Variants in PHLPP1 observed in about 807,000 individuals in gnomAD.
PHLPP1 encodes PH domain leucine-rich repeat-containing protein phosphatase 1.
A neutral mutation model predicts 117.2 loss-of-function variants in PHLPP1; 42 were observed. The ratio of observed to expected loss-of-function variants is 0.36; its 90% confidence interval spans 0.28 to 0.46. The LOEUF is 0.46. Among genes scored for constraint, PHLPP1 ranks in the 20% least tolerant of loss-of-function variants. The pLI is 1.00. For synonymous variants in PHLPP1, 1,042 were observed against 970.7 expected, an observed-to-expected ratio of 1.07 and a Z score of -1.37; for missense variants, 2,084 against 2,241.9, an observed-to-expected ratio of 0.93 and a Z score of 1.42.
chr18:62,759,493 G>A (rs1912144705), intron 1 of PHLPP1, among the ~76,000 whole-genome samples: 1 of 152,178 alleles, frequency 6.6e-6, no homozygotes, highest in Admixed American at 6.5e-5. Flanking sequence ...GCTATATTGA[G>A]TATGTTCTCA....
chr18:62,774,429 T>G (rs546302734), intron 1 of PHLPP1, among the ~76,000 whole-genome samples: 1 of 152,290 alleles, frequency 6.6e-6, no homozygotes, highest in South Asian at 2.1e-4. Context: ...GAGCCTTTCG[T>G]TTTTCTTCTA....
intron 4 of PHLPP1, among the ~76,000 whole-genome samples, chr18:62,882,270 A>AT (rs754386808): frequency 0.014 from 1,907 of 137,744 alleles, 39 homozygotes; most frequent in African/African-American, 0.04. Flanking sequence ...TCACTTAACT[A>AT]TTTTTTTTTT....
chr18:62,719,446 TCA>T (rs1910852604), intron 1 of PHLPP1, among the ~76,000 whole-genome samples: 1 of 152,204 alleles, frequency 6.6e-6, no homozygotes, highest in African/African-American at 2.4e-5. Flanking sequence ...AAGCGTAGTC[TCA>T]TTTATGGAAA....
intron 8 of PHLPP1, among the ~76,000 whole-genome samples, chr18:62,913,138 G>A (rs607153): frequency 0.59 from 89,756 of 151,856 alleles, 26,737 homozygotes; most frequent in Middle Eastern, 0.69. Flanking sequence ...TCCACCTCCC[G>A]TGCTGTCACC....
intron 4 of PHLPP1, among the ~76,000 whole-genome samples, chr18:62,864,033 T>G (rs1599090133): frequency 6.6e-6 from 1 of 152,104 alleles, no homozygotes; most frequent in South Asian, 2.1e-4. Flanking sequence ...ATTAATTTAT[T>G]TTTTTGAGAC....
intron 1 of PHLPP1, among the ~76,000 whole-genome samples, chr18:62,720,598 A>G (rs1243806417): frequency 6.6e-6 from 1 of 152,192 alleles, no homozygotes; most frequent in Non-Finnish European, 1.5e-5. Flanking sequence ...AATATTGACA[A>G]GCAGGTTCTT....
At chr18:62,939,240 G>A (rs1040904007) in intron 10 of PHLPP1, among the ~76,000 whole-genome samples, 18 of 151,944 alleles carry the variant, frequency 1.2e-4, no homozygotes, top group Non-Finnish European at 2.5e-4. Context: ...TGATCCACCC[G>A]CCTCAGCCAC....
At chr18:62,957,294 G>T (rs903717799) in intron 12 of PHLPP1, among the ~76,000 whole-genome samples, 2 of 152,152 alleles carry the variant, frequency 1.3e-5, no homozygotes, top group South Asian at 4.1e-4. Context: ...CATCAGTTTT[G>T]TGAGAAAGGA....
Position 62,867,289 on chromosome 18 carries a change from A to G in PHLPP1, c.2066+6688A>G, listed in dbSNP as rs148818267. 5.9e-3 allele frequency among the ~76,000 whole-genome samples: 900 copies of G among 152,246 alleles called. 2 individuals carry two copies. Among genetic ancestry groups the G allele is most frequent in the Non-Finnish European group, 9.0e-3 (610 of 68,008 alleles). On this transcript the variant is annotated intron_variant, in intron 4 of 16. Coordinates refer to ENST00000262719, the MANE Select transcript of PHLPP1 (RefSeq NM_194449.4). Reference sequence around the variant, plus strand: ...TGATTTTTTCATTATTGGACATTATATGTTGACTCATTACTATGGAAGATA... The same window carrying G: ...TGATTTTTTCATTATTGGACATTATGTGTTGACTCATTACTATGGAAGATA...
At chr18:62,968,572 C>G (rs1910968392) in intron 14 of PHLPP1, among the ~76,000 whole-genome samples, 1 of 112,622 alleles carries the variant, frequency 8.9e-6, no homozygotes, top group African/African-American at 3.4e-5. Context: ...GAGTCTCACT[C>G]TGTCACCCAG....
chr18:62,880,329 C>G (rs1414251248), intron 4 of PHLPP1, among the ~76,000 whole-genome samples: 2 of 152,024 alleles, frequency 1.3e-5, no homozygotes, highest in African/African-American at 4.8e-5. Flanking sequence ...CTTATGCGCA[C>G]TTTCTCATTT....
chr18:62,872,997 A>AG (rs1481187116), intron 4 of PHLPP1, among the ~76,000 whole-genome samples: 1 of 147,480 alleles, frequency 6.8e-6, no homozygotes, highest in East Asian at 2.0e-4. Context: ...AAAAAAAAAA[A>AG]AAAAAAAAAA....
chr18:62,885,969 G>A (rs1916278466), intron 4 of PHLPP1, among the ~76,000 whole-genome samples: 1 of 152,196 alleles, frequency 6.6e-6, no homozygotes, highest in African/African-American at 2.4e-5. Context: ...GCAGTTTGAA[G>A]TTGTGTGCTG....
intron 12 of PHLPP1, 47 bp from the exon 13 acceptor site, chr18:62,958,582 G>A (rs2144475828): frequency 6.2e-7 from 1 of 1,605,900 alleles, no homozygotes; most frequent in South Asian, 1.1e-5. Context: ...TCCCTGAAGA[G>A]CTTCTCTAGA....
At chr18:62,868,833 T>A (rs985857742) in intron 4 of PHLPP1, among the ~76,000 whole-genome samples, 4 of 152,194 alleles carry the variant, frequency 2.6e-5, no homozygotes, top group African/African-American at 9.7e-5. Context: ...AAAGGAGTCT[T>A]TGATGCTACC....
At chr18:62,854,838 A>G (rs1431571269) in intron 3 of PHLPP1, among the ~76,000 whole-genome samples, 1 of 151,978 alleles carries the variant, frequency 6.6e-6, no homozygotes, top group Non-Finnish European at 1.5e-5. Flanking sequence ...CTGGAATTAC[A>G]GGCACCCACC....
chr18:62,952,236 C>G (rs888360324), intron 12 of PHLPP1, among the ~76,000 whole-genome samples: 1 of 151,974 alleles, frequency 6.6e-6, no homozygotes, highest in East Asian at 1.9e-4. Flanking sequence ...GACCAGCCTG[C>G]GCAACATGGC....
rs759602540 is a variant in PHLPP1, at chr18:62,895,124, G to A, written c.2180G>A (p.Arg727Gln). The A allele has an allele frequency of 2.9e-5, 46 of 1,613,704 alleles. No individual in the cohort carries two copies. Among genetic ancestry groups the A allele is most frequent in the African/African-American group, 4.0e-5 (3 of 74,898 alleles). Residue 727 changes from arginine (R) to glutamine (Q), a missense_variant, in exon 5 of 17, where the codon CGA becomes CAA. Arg to Gln is a conservative substitution (Grantham distance 43, BLOSUM62 1). Coordinates refer to ENST00000262719, the MANE Select transcript of PHLPP1 (RefSeq NM_194449.4). ...CTGAACGTGTCCTGCAATGCCCTGC[G>A]ATCAGTCCCGGCAGCCGTTGGAGTG... is the stretch of plus-strand genomic sequence containing the variant. ...AELNVSCNALRSVPAAVGVMH... is the reference protein window; with the variant it reads ...AELNVSCNALQSVPAAVGVMH...
At chr18:62,741,003 G>T (rs1345831102) in intron 1 of PHLPP1, among the ~76,000 whole-genome samples, 1 of 151,976 alleles carries the variant, frequency 6.6e-6, no homozygotes, top group Non-Finnish European at 1.5e-5. Flanking sequence ...GAATATAATT[G>T]CTCAAATATT....
Sources: allele counts gnomAD v4.1 joint callset (sites outside exome capture counted in the v4.1 genomes callset), GRCh38; gene constraint gnomAD v4.1.1; transcripts MANE v1.5; gene names NCBI Gene and HGNC (gene_info 2026-07-23, HGNC 2026-07-21).